The following ARHGAP19 variants were observed in gnomAD, a reference collection of about 807,000 sequenced individuals.
ARHGAP19 encodes the protein rho GTPase-activating protein 19.
A neutral mutation model predicts 60.9 loss-of-function variants in ARHGAP19; 48 were observed. The observed-to-expected ratio is 0.79, with a 90% CI of 0.62 to 1.00. The LOEUF (loss-of-function observed/expected upper bound fraction) is 1.00. Ranked by LOEUF, ARHGAP19 falls within the 50% of genes least tolerant of loss-of-function variation. ARHGAP19 has a pLI of 0.00. For synonymous variants in ARHGAP19, 209 were observed against 215.5 expected (o/e 0.97, Z 0.27); for missense variants, 562 against 597.2 (o/e 0.94, Z 0.61).
At chr10:97,257,426 T>A (rs537890028) in intron 5 of ARHGAP19, among the ~76,000 whole-genome samples, 2 of 151,686 alleles carry the variant, frequency 1.3e-5, no homozygotes, top group African/African-American at 4.8e-5. Context: ...TAGCTAGGAG[T>A]ATAGGCATGT....
At chr10:97,227,657 G>T (rs1850922817) in intron 11 of ARHGAP19, among the ~76,000 whole-genome samples, 1 of 152,008 alleles carries the variant, frequency 6.6e-6, no homozygotes, top group Non-Finnish European at 1.5e-5. Context: ...TCCAATTGAG[G>T]GTCATTCATT....
Position 97,280,365 on chromosome 10 carries a change from C to T in ARHGAP19, c.56+12207G>A, listed in dbSNP as rs550388839. Among the ~76,000 whole-genome samples, 3 of 152,072 alleles carry T rather than the reference C, an allele frequency of 2.0e-5. No individual in the cohort carries two copies. The South Asian group carries it at 6.2e-4, about 32-fold the overall frequency. ...CAGAGGTTGCAGTGAGCCGAGATCA[C>T]ACCACTGCACTCCAGCCAAGGTGAC... On this transcript the variant is annotated intron_variant, in intron 1 of 11. Coordinates refer to ENST00000358531, the MANE Select transcript of ARHGAP19 (RefSeq NM_032900.6).
chr10:97,235,547 GT>G (rs1263585925), intron 8 of ARHGAP19, among the ~76,000 whole-genome samples: 1 of 152,074 alleles, frequency 6.6e-6, no homozygotes, highest in East Asian at 1.9e-4. Flanking sequence ...TGGAATTACT[GT>G]CCCCATTCTA....
At chr10:97,282,538 T>C (rs1229422780) in intron 1 of ARHGAP19, among the ~76,000 whole-genome samples, 2 of 151,690 alleles carry the variant, frequency 1.3e-5, no homozygotes, top group Non-Finnish European at 3.0e-5. Context: ...CTAACAAATA[T>C]GAATGTGTAA....
chr10:97,233,082 G>C (rs1342543633), intron 9 of ARHGAP19, among the ~76,000 whole-genome samples: 1 of 152,044 alleles, frequency 6.6e-6, no homozygotes, highest in African/African-American at 2.4e-5. Flanking sequence ...CCTGGAGATG[G>C]AGGTTGCAGT....
In ARHGAP19 at chr10:97,235,280, T is replaced by C. The variant is rs1426167981; in HGVS notation, c.1221A>G (p.Arg407=). 1 of 1,613,764 alleles carries C rather than the reference T, an allele frequency of 6.2e-7. No individual in the cohort carries two copies. Among genetic ancestry groups the C allele is most frequent in the Non-Finnish European group, 8.5e-7 (1 of 1,179,846 alleles). Residue 407 remains arginine, a synonymous_variant, in exon 9 of 12, where the codon CGA becomes CGG. Coordinates refer to ENST00000358531, the MANE Select transcript of ARHGAP19 (RefSeq NM_032900.6). ...TTTGTACCTGGGAAGTAGAAGGTTC[T>C]CGCCCTGGTGTCTGGGTCAATGATT... ...NKQSLTQTPG[R]EPSTSQVQKR...
At chr10:97,228,407 A>G (rs1850938497) in intron 11 of ARHGAP19, among the ~76,000 whole-genome samples, 1 of 152,264 alleles carries the variant, frequency 6.6e-6, no homozygotes, top group African/African-American at 2.4e-5. Flanking sequence ...CTGCCAAAAC[A>G]TTATTTCAAT....
At chr10:97,237,303 A>G (rs1430569523) in intron 8 of ARHGAP19, among the ~76,000 whole-genome samples, 2 of 151,654 alleles carry the variant, frequency 1.3e-5, no homozygotes, top group South Asian at 4.2e-4. Flanking sequence ...GGAAAACAAT[A>G]TAGTTTCTTC....
intron 6 of ARHGAP19, among the ~76,000 whole-genome samples, chr10:97,246,918 A>C (rs1244623798): frequency 6.6e-6 from 1 of 152,084 alleles, no homozygotes; most frequent in Non-Finnish European, 1.5e-5. Flanking sequence ...TGGGTGGATC[A>C]CCTGAAGTCA....
intron 8 of ARHGAP19, among the ~76,000 whole-genome samples, chr10:97,240,367 T>G (rs890379339): frequency 3.9e-5 from 6 of 152,306 alleles, no homozygotes; most frequent in Admixed American, 3.3e-4. Flanking sequence ...TATAAACATT[T>G]AAGGTTGGGC....
rs2134792981 is a variant in ARHGAP19 at position 97,224,724 on chromosome 10, G to C, written c.*1398C>G. The C allele has an allele frequency of 6.6e-6, 1 of 152,372 alleles. No individual in the cohort carries two copies. Among genetic ancestry groups the C allele is most frequent in the African/African-American group, 2.4e-5 (1 of 41,576 alleles). 9.4% of individuals were successfully genotyped at this position (152,372 alleles called of 1,614,324 possible). Reference sequence around the variant, plus strand: ...TCGGCTCCAACCCACAGGGTGAGAAGGGTTGTACAGCTCCACAGAGCCAGG... The same window carrying C: ...TCGGCTCCAACCCACAGGGTGAGAACGGTTGTACAGCTCCACAGAGCCAGG... On this transcript the variant is annotated 3_prime_UTR_variant, in exon 12 of 12. Coordinates refer to ENST00000358531, the MANE Select transcript of ARHGAP19 (RefSeq NM_032900.6).
chr10:97,239,777 G>A (rs1323223886), intron 8 of ARHGAP19, among the ~76,000 whole-genome samples: 6 of 151,336 alleles, frequency 4.0e-5, no homozygotes, highest in Admixed American at 1.3e-4. Context: ...GCATGACCTC[G>A]GCTCACAGCA....
intron 9 of ARHGAP19, among the ~76,000 whole-genome samples, chr10:97,232,186 CAG>C (rs1296265288): frequency 1.0e-5 from 1 of 97,748 alleles, no homozygotes; most frequent in Non-Finnish European, 1.8e-5. Context: ...TTTTTTGAGA[CAG>C]AGTCTCGCTC....
chr10:97,256,565 G>C (rs2134871316), intron 5 of ARHGAP19, 161 bp from the exon 6 acceptor site: 1 of 543,742 alleles, frequency 1.8e-6, no homozygotes, highest in Non-Finnish European at 3.2e-6. Context: ...ATCAGGATAT[G>C]ACATAATCTA....
intron 9 of ARHGAP19, among the ~76,000 whole-genome samples, chr10:97,234,415 T>TAAAAAAAA (rs10592924): frequency 3.2e-5 from 4 of 124,172 alleles, no homozygotes; most frequent in African/African-American, 9.4e-5. Context: ...AAATAAAAAT[T>TAAAAAAAA]AAAAAAAAAA....
At chr10:97,283,447 G>A (rs1031548765) in intron 1 of ARHGAP19, among the ~76,000 whole-genome samples, 4 of 151,858 alleles carry the variant, frequency 2.6e-5, no homozygotes, top group Non-Finnish European at 4.4e-5. Flanking sequence ...CCAGCTACTC[G>A]GGAGGCCGAG....
intron 6 of ARHGAP19, among the ~76,000 whole-genome samples, chr10:97,252,266 T>G (rs12358257): frequency 0.043 from 6,521 of 150,724 alleles, 206 homozygotes; most frequent in Non-Finnish European, 0.061. Flanking sequence ...TCACTTGAGC[T>G]CAGTGAGCTG....
chr10:97,292,248 C>G (rs1322739225), intron 1 of ARHGAP19, among the ~76,000 whole-genome samples: 1 of 152,208 alleles, frequency 6.6e-6, no homozygotes, highest in Non-Finnish European at 1.5e-5. Context: ...AATTCGCTAA[C>G]CAGCCCTGGA....
intron 4 of ARHGAP19, among the ~76,000 whole-genome samples, chr10:97,262,015 G>C (rs1165518092): frequency 1.3e-5 from 2 of 152,076 alleles, no homozygotes; most frequent in Non-Finnish European, 2.9e-5. Flanking sequence ...ATATGTATTT[G>C]TTTGGAAGTA....
Sources: allele counts gnomAD v4.1 joint callset (sites outside exome capture counted in the v4.1 genomes callset), GRCh38; gene constraint gnomAD v4.1.1; transcripts MANE v1.5; gene names NCBI Gene and HGNC (gene_info 2026-07-23, HGNC 2026-07-21).